The following RP2 variants were observed in gnomAD, a reference collection of about 807,000 sequenced individuals.
RP2 encodes the protein protein XRP2.
In RP2, 3 loss-of-function variants were observed where a neutral mutation model predicts 20.3. The observed-to-expected ratio is 0.15, with a 90% CI of 0.07 to 0.38. The LOEUF (loss-of-function observed/expected upper bound fraction) is 0.38. Ranked by LOEUF, RP2 falls within the 10% of genes least tolerant of loss-of-function variation. RP2 has a pLI of 1.00. For synonymous variants in RP2, 75 were observed against 94.8 expected (o/e 0.79, Z 1.22); for missense variants, 233 against 268.5 (o/e 0.87, Z 0.92).
chrX:46,872,012 C>T (rs1306343430), intron 3 of RP2, among the ~76,000 whole-genome samples: 3 of 111,324 alleles, frequency 2.7e-5, no homozygotes, highest in Non-Finnish European at 5.7e-5. Context: ...GCAGTCATAG[C>T]TCAACTGCAG....
intron 3 of RP2, among the ~76,000 whole-genome samples, chrX:46,863,685 A>T (rs956403324): frequency 2.7e-5 from 3 of 111,882 alleles, no homozygotes; most frequent in Middle Eastern, 4.2e-3. Flanking sequence ...TCTACCTATT[A>T]GATGCCAATA....
intron 1 of RP2, 61 bp downstream of exon 1, chrX:46,837,263 C>T (rs1028690046): frequency 6.6e-6 from 7 of 1,065,877 alleles, no homozygotes; most frequent in Non-Finnish European, 9.0e-6. Flanking sequence ...AGGTCCCTTA[C>T]GGCCCGGGAC....
intron 3 of RP2, among the ~76,000 whole-genome samples, chrX:46,871,763 T>C (rs1214621851): frequency 8.9e-6 from 1 of 112,312 alleles, no homozygotes; most frequent in Non-Finnish European, 1.9e-5. Context: ...TTCTGCCTAC[T>C]TGTTCCATAA....
In RP2 at chrX:46,865,222, A is replaced by G. The variant is rs1044582285; in HGVS notation, c.883+5120A>G. ...TTTTTCAGTTCCAGAATTCAATCCA[A>G]GATCCCACATTGCTTTTTGTTGCCA... On this transcript the variant is annotated intron_variant, in intron 3 of 4. Coordinates refer to ENST00000218340, the MANE Select transcript of RP2 (RefSeq NM_006915.3). 3.6e-5 allele frequency among the ~76,000 whole-genome samples: 4 copies of G among 112,225 alleles called. No individual in the cohort carries two copies. In the Admixed American group the frequency reaches 3.8e-4, roughly 11 times the overall value.
chrX:46,848,689 C>T (rs112518703), intron 1 of RP2, among the ~76,000 whole-genome samples: 21,736 of 108,314 alleles, frequency 0.2, 1,932 homozygotes, highest in East Asian at 0.37. Flanking sequence ...TGGCCACTTT[C>T]CTTGATTTTT....
In RP2 at chrX:46,860,100, A is replaced by G. The variant is rs1925038032; in HGVS notation, c.881A>G (p.Lys294Arg). 8.7e-7 allele frequency: 1 copy of G among 1,156,001 alleles called. No homozygotes were observed. ...KAPDFLPLLNKGPVIALEFNG... is the reference protein window; with the variant it reads ...KAPDFLPLLNRGPVIALEFNG... ...CCTGACTTCCTTCCTCTTCTGAACA[A>G]AGGTACCTTCTGGATGATTGGTATA... The change falls in exon 3 of 5, where the codon AAA becomes AGA. Residue 294 changes from lysine (K) to arginine (R), a missense_variant and splice_region_variant. Physicochemically the swap from Lys to Arg is conservative, Grantham distance 26. Transcript: ENST00000218340.
chrX:46,847,799 T>TAC (rs1924775600), intron 1 of RP2, among the ~76,000 whole-genome samples: 1 of 80,109 alleles, frequency 1.2e-5, no homozygotes, highest in South Asian at 5.3e-4. Context: ...TGTGTGTGTG[T>TAC]ATATATATAC....
chrX:46,865,506 T>C (rs1223675750), intron 3 of RP2, among the ~76,000 whole-genome samples: 1 of 112,268 alleles, frequency 8.9e-6, no homozygotes. Flanking sequence ...AAAGTTTCCA[T>C]GTTTCCCTTT....
At chrX:46,848,159 G>A (rs945714885) in intron 1 of RP2, among the ~76,000 whole-genome samples, 1 of 107,725 alleles carries the variant, frequency 9.3e-6, no homozygotes, top group Non-Finnish European at 1.9e-5. Flanking sequence ...TATTCAGACT[G>A]GATTTTCATT....
At chrX:46,872,013 T>C (rs1925301156) in intron 3 of RP2, among the ~76,000 whole-genome samples, 1 of 111,421 alleles carries the variant, frequency 9.0e-6, no homozygotes, top group Non-Finnish European at 1.9e-5. Flanking sequence ...CAGTCATAGC[T>C]CAACTGCAGC....
At position 46,862,451 on chromosome X, in the gene RP2, G is replaced by A. The variant is rs782389331; in HGVS notation, c.883+2349G>A. Among the ~76,000 whole-genome samples the A allele has an allele frequency of 3.6e-5, 4 of 110,466 alleles. No homozygotes were observed. The South Asian group carries it at 1.2e-3, about 32-fold the overall frequency. ...CAAGGCGGGCAGATCACAAGGTCAG[G>A]AGATCAAGACCATCCTGGCTAACAC... On this transcript the variant is annotated intron_variant, in intron 3 of 4. Transcript: ENST00000218340.
chrX:46,876,776 CATT>C (rs1389393177), intron 3 of RP2, among the ~76,000 whole-genome samples: 1 of 111,977 alleles, frequency 8.9e-6, no homozygotes, highest in Admixed American at 9.5e-5. Flanking sequence ...CTTCGTACTT[CATT>C]ATTCTGTGTT....
chrX:46,861,943 T>C (rs1038707216), intron 3 of RP2, among the ~76,000 whole-genome samples: 1 of 112,419 alleles, frequency 8.9e-6, no homozygotes, highest in Non-Finnish European at 1.9e-5. Flanking sequence ...ATCTGCTGTT[T>C]ATGGAATATT....
chrX:46,847,767 T>TATGTGTGTGTATATACACAC (rs781898428), intron 1 of RP2, among the ~76,000 whole-genome samples: 933 of 68,473 alleles, frequency 0.014, 61 homozygotes, highest in Admixed American at 0.12. Context: ...TATACACACA[T>TATGTGTGTGTATATACACAC]GTGTGTGTGT....
At chrX:46,843,925 C>T (rs139439965) in intron 1 of RP2, among the ~76,000 whole-genome samples, 1,445 of 110,467 alleles carry the variant, frequency 0.013, 30 homozygotes, top group African/African-American at 0.044. Context: ...CCTCCCACCT[C>T]GGCCTCCCAA....
At chrX:46,843,038 C>T (rs1924652727) in intron 1 of RP2, among the ~76,000 whole-genome samples, 1 of 95,902 alleles carries the variant, frequency 1.0e-5, no homozygotes, top group African/African-American at 3.9e-5. Flanking sequence ...GACGTAGTCT[C>T]ACTCTGTCGC....
At chrX:46,877,733 T>TGTGTGTGTG in intron 4 of RP2, 143 bp downstream of exon 4, 16 of 414,547 alleles carry the variant, frequency 3.9e-5, no homozygotes, top group South Asian at 1.5e-4. Flanking sequence ...TGTGTGTGTG[T>TGTGTGTGTG]TTAAAGCAGA....
intron 2 of RP2, among the ~76,000 whole-genome samples, chrX:46,858,451 T>G (rs781837661): frequency 9.0e-6 from 1 of 111,266 alleles, no homozygotes; most frequent in East Asian, 2.8e-4. Flanking sequence ...TTGCTAAAAA[T>G]TAAGTGGTTG....
intron 3 of RP2, among the ~76,000 whole-genome samples, chrX:46,864,339 CTTCCT>C (rs1925127365): frequency 9.5e-6 from 1 of 105,698 alleles, no homozygotes; most frequent in Non-Finnish European, 1.9e-5. Context: ...TCCTTCCTTC[CTTCCT>C]TTCTTTTTTT....
Sources: allele counts gnomAD v4.1 joint callset (sites outside exome capture counted in the v4.1 genomes callset), GRCh38; gene constraint gnomAD v4.1.1; transcripts MANE v1.5; gene names NCBI Gene and HGNC (gene_info 2026-07-23, HGNC 2026-07-21).